GAS7: variants seen among roughly 807,000 people sequenced by gnomAD.
GAS7 encodes the protein growth arrest specific 7.
A neutral mutation model predicts 71.1 loss-of-function variants in GAS7; 28 were observed. That is an observed-to-expected ratio of 0.39 (90% CI 0.29 to 0.54). GAS7 has a LOEUF of 0.54. GAS7 is among the 20% of genes least tolerant of loss of function. GAS7 has a pLI of 0.62. For synonymous variants in GAS7, 258 were observed against 245.8 expected (o/e 1.05, Z -0.46); for missense variants, 436 against 627.8 (o/e 0.69, Z 3.27).
intron 1 of GAS7, among the ~76,000 whole-genome samples, chr17:10,058,843 A>G (rs2073183631): frequency 6.6e-6 from 1 of 152,256 alleles, no homozygotes; most frequent in Non-Finnish European, 1.5e-5. Context: ...AGTTGACAAA[A>G]TGGTCACACA....
At chr17:9,967,169 T>C (rs1372787663) in intron 4 of GAS7, among the ~76,000 whole-genome samples, 1 of 79,296 alleles carries the variant, frequency 1.3e-5, no homozygotes, top group Non-Finnish European at 2.7e-5. Flanking sequence ...ACCTACTTTG[T>C]AGCTTTTTTT....
At chr17:10,143,596 T>C (rs2074100313) in intron 1 of GAS7, among the ~76,000 whole-genome samples, 1 of 150,312 alleles carries the variant, frequency 6.7e-6, no homozygotes, top group Non-Finnish European at 1.5e-5. Flanking sequence ...AATGGGGTCA[T>C]GAGAGTGGTC....
chr17:10,055,845 T>C lies in GAS7; in HGVS notation c.184-35948A>G, dbSNP rs1390602990. 7.9e-5 allele frequency among the ~76,000 whole-genome samples: 12 copies of C among 152,346 alleles called. No individual in the cohort carries two copies. In the South Asian group the frequency reaches 1.7e-3, roughly 21 times the overall value. ...ACACTGATTGCTTGCATTGTGTGAC[T>C]CATGATGTATGGTTTGGAAAACAAT... On this transcript the variant is annotated intron_variant, in intron 1 of 13. Coordinates refer to ENST00000432992, the MANE Select transcript of GAS7 (RefSeq NM_201433.2).
At chr17:10,067,918 T>G (rs1665246026) in intron 1 of GAS7, among the ~76,000 whole-genome samples, 2 of 152,188 alleles carry the variant, frequency 1.3e-5, no homozygotes, top group South Asian at 4.1e-4. Context: ...ACCTTGACAC[T>G]AACCACTGAG....
At chr17:10,092,405 G>A (rs111630916) in intron 1 of GAS7, among the ~76,000 whole-genome samples, 173 of 152,348 alleles carry the variant, frequency 1.1e-3, no homozygotes, top group African/African-American at 3.8e-3. Context: ...GGCAGGGACT[G>A]TGTTAGAAAT....
rs145183784 is a variant in GAS7, at chr17:10,081,679, G to T, written c.184-61782C>A. Among the ~76,000 whole-genome samples, 6 of 152,222 alleles carry T rather than the reference G, an allele frequency of 3.9e-5. No individual in the cohort carries two copies. The East Asian group carries it at 1.2e-3, about 29-fold the overall frequency. ...TAAATAAACATTTGAAAACAGACAC[G>T]ACCTGACTAGCAATGAAGGAAATGC... On this transcript the variant is annotated intron_variant, in intron 1 of 13. Coordinates refer to ENST00000432992, the MANE Select transcript of GAS7 (RefSeq NM_201433.2).
rs554718196 is a variant in GAS7 at position 9,991,353 on chromosome 17, C to T, written c.305-9469G>A. Among the ~76,000 whole-genome samples, 5 of 152,282 alleles carry T rather than the reference C, an allele frequency of 3.3e-5. No homozygotes were observed. The South Asian group carries it at 1.0e-3, about 32-fold the overall frequency. The stretch of plus-strand genomic sequence containing the variant: ...ACTATGAGTGGTCCCCAACTTCCCA[C>T]TCACAGCTGCTTACAAAATTCTTAG... On this transcript the variant is annotated intron_variant, in intron 2 of 13. Coordinates refer to ENST00000432992, the MANE Select transcript of GAS7 (RefSeq NM_201433.2).
intron 1 of GAS7, among the ~76,000 whole-genome samples, chr17:10,144,091 G>A (rs900810108): frequency 6.6e-6 from 1 of 151,756 alleles, no homozygotes; most frequent in Non-Finnish European, 1.5e-5. Context: ...GACTCGGAGC[G>A]GCAGAAAAGC....
At chr17:10,122,256 T>A (rs2073910672) in intron 1 of GAS7, among the ~76,000 whole-genome samples, 1 of 152,132 alleles carries the variant, frequency 6.6e-6, no homozygotes, top group African/African-American at 2.4e-5. Context: ...GTGTTTTCAT[T>A]CATCCTTCCC....
intron 8 of GAS7, 84 bp from the exon 9 acceptor site, chr17:9,934,328 G>A: frequency 1.1e-6 from 1 of 909,222 alleles, no homozygotes; most frequent in East Asian, 2.6e-5. Context: ...CCAGGTCTCG[G>A]GGAGGTATAT....
intron 2 of GAS7, among the ~76,000 whole-genome samples, chr17:10,003,702 C>T (rs2152170860): frequency 6.6e-6 from 1 of 152,358 alleles, no homozygotes; most frequent in East Asian, 1.9e-4. Context: ...GCTACCTGCA[C>T]AGCACGGCGC....
chr17:10,029,195 A>G (rs1034700018), intron 1 of GAS7, among the ~76,000 whole-genome samples: 2 of 152,252 alleles, frequency 1.3e-5, no homozygotes, highest in African/African-American at 4.8e-5. Context: ...CTGTAGCCAC[A>G]TCTCAAAAGA....
chr17:10,052,384 G>A (rs761257025), intron 1 of GAS7, among the ~76,000 whole-genome samples: 7 of 152,196 alleles, frequency 4.6e-5, no homozygotes, highest in South Asian at 4.1e-4. Flanking sequence ...CCAGTGGGAA[G>A]CCTCATTAAC....
intron 2 of GAS7, among the ~76,000 whole-genome samples, chr17:10,019,024 C>T (rs1015530240): frequency 5.3e-5 from 8 of 152,302 alleles, no homozygotes; most frequent in Admixed American, 6.5e-5. Flanking sequence ...CTGCCCAAGA[C>T]CACAGCCTGC....
chr17:10,110,012 C>T (rs1377949447), intron 1 of GAS7, among the ~76,000 whole-genome samples: 1 of 149,852 alleles, frequency 6.7e-6, no homozygotes, highest in Non-Finnish European at 1.5e-5. Flanking sequence ...CGAGATTGTG[C>T]CATTGCACTT....
intron 1 of GAS7, among the ~76,000 whole-genome samples, chr17:10,040,864 T>C (rs1363669990): frequency 1.3e-5 from 2 of 151,952 alleles, no homozygotes; most frequent in South Asian, 2.1e-4. Context: ...CTCTCACCCA[T>C]AAGAAGGTAA....
intron 1 of GAS7, among the ~76,000 whole-genome samples, chr17:10,136,943 G>A (rs965992655): frequency 3.9e-5 from 6 of 151,988 alleles, no homozygotes; most frequent in Admixed American, 6.6e-5. Flanking sequence ...GAAAGATGGC[G>A]AAACCCCGTC....
At chr17:10,184,105 G>A (rs2074435757) in intron 1 of GAS7, among the ~76,000 whole-genome samples, 1 of 152,162 alleles carries the variant, frequency 6.6e-6, no homozygotes, top group Non-Finnish European at 1.5e-5. Flanking sequence ...GTCTCAAGAT[G>A]TAGAGACCAT....
At chr17:9,918,797 G>T (rs554690570) in intron 12 of GAS7, among the ~76,000 whole-genome samples, 4 of 152,284 alleles carry the variant, frequency 2.6e-5, no homozygotes, top group South Asian at 2.1e-4. Context: ...TAGGGGATCC[G>T]GCTGTTACTC....
Sources: allele counts gnomAD v4.1 joint callset (sites outside exome capture counted in the v4.1 genomes callset), GRCh38; gene constraint gnomAD v4.1.1; transcripts MANE v1.5; gene names NCBI Gene and HGNC (gene_info 2026-07-23, HGNC 2026-07-21).